Variants in SYNPO2 observed in about 807,000 individuals in gnomAD.
The protein encoded by SYNPO2 is synaptopodin 2, also known as synaptopodin-2.
In SYNPO2, 56 loss-of-function variants were observed where a neutral mutation model predicts 85.0. The ratio of observed to expected loss-of-function variants is 0.66; its 90% CI spans 0.53 to 0.82. The LOEUF (loss-of-function observed/expected upper bound fraction) is 0.82, where lower values mean the gene tolerates loss of function less well. Ranked by LOEUF, SYNPO2 falls within the 40% of genes least tolerant of loss-of-function variation. The pLI is 0.00. For synonymous variants in SYNPO2, 602 were observed against 591.1 expected, an observed-to-expected ratio of 1.02 and a Z score of -0.27; for missense variants, 1,575 against 1,534.2, an observed-to-expected ratio of 1.03 and a Z score of -0.44.
chr4:118,912,869 C>T (rs1733188201), intron 1 of SYNPO2, among the ~76,000 whole-genome samples: 1 of 152,146 alleles, frequency 6.6e-6, no homozygotes, highest in Non-Finnish European at 1.5e-5. Flanking sequence ...AAACGTTTAG[C>T]TAAACACATG....
In SYNPO2 at chr4:119,023,444, C is replaced by A; in HGVS notation, c.120C>A (p.Ser40Arg). 1 of 1,611,112 alleles carries A rather than the reference C, an allele frequency of 6.2e-7. No homozygotes were observed. The highest frequency in any genetic ancestry group is 8.5e-7 in the Non-Finnish European group (1 of 1,178,924). ...ACTCCACTCAGATTCGAAATCAGAG[C>A]AAAGCCTCTGGGTCTGGGCTCTGTG... ...PLQVAKIRNQ[S>R]KASGSGLCEG... Residue 40 changes from serine to arginine, a missense_variant, in exon 2 of 5, where the codon AGC (serine) becomes AGA (arginine). Transcript: ENST00000307142.
At chr4:118,918,871 CA>C (rs1323067517) in intron 1 of SYNPO2, among the ~76,000 whole-genome samples, 2 of 152,088 alleles carry the variant, frequency 1.3e-5, no homozygotes, top group Non-Finnish European at 2.9e-5. Context: ...GAAGGTAATG[CA>C]ATGACTATTT....
rs778341529 is a variant in SYNPO2 at position 119,026,643 on chromosome 4, A to G, written c.274A>G (p.Ser92Gly). The G allele has an allele frequency of 1.9e-6, 3 of 1,606,538 alleles. No individual in the cohort carries two copies. Among genetic ancestry groups the G allele is most frequent in the Admixed American group, 3.4e-5 (2 of 59,272 alleles). ...TGTGTGCAGACCATCCAGTGGAATAAGTGAGGCTTTGATATCTGAAAATGA... is the reference window on the plus strand; with the variant it reads ...TGTGTGCAGACCATCCAGTGGAATAGGTGAGGCTTTGATATCTGAAAATGA... Reference protein sequence around the residue: ...MLIKRPSSGISEALISENENK... With the variant: ...MLIKRPSSGIGEALISENENK... The change falls in exon 3 of 5, where the codon AGT becomes GGT. Residue 92 changes from serine (S) to glycine (G), a missense_variant. Ser to Gly is a moderately conservative substitution (Grantham distance 56, BLOSUM62 0). Transcript: ENST00000307142.
intron 4 of SYNPO2, chr4:119,042,092 ACAGG>A (rs35962566): frequency 0.79 from 119,858 of 151,726 alleles, 47,409 homozygotes; most frequent in Admixed American, 0.82. Context: ...TCTAAAAGGA[ACAGG>A]CAGGCGCTGA....
At chr4:118,856,034 C>T (rs1322367537) in intron 1 of SYNPO2, among the ~76,000 whole-genome samples, 1 of 152,148 alleles carries the variant, frequency 6.6e-6, no homozygotes, top group Admixed American at 6.6e-5. Flanking sequence ...TTCTGGGATA[C>T]CATAACATAG....
intron 1 of SYNPO2, among the ~76,000 whole-genome samples, chr4:118,976,690 T>G (rs563841739): frequency 1.1e-4 from 16 of 152,276 alleles, no homozygotes; most frequent in African/African-American, 3.4e-4. Context: ...CCAGAGCAGC[T>G]AGATACAGAG....
chr4:119,041,193 T>C (rs371777738), intron 4 of SYNPO2, among the ~76,000 whole-genome samples: 1 of 152,230 alleles, frequency 6.6e-6, no homozygotes, highest in African/African-American at 2.4e-5. Context: ...GAAAATGTTA[T>C]CTGAATCCAG....
At chr4:119,027,683 G>A (rs1738031829) in intron 3 of SYNPO2, among the ~76,000 whole-genome samples, 1 of 152,114 alleles carries the variant, frequency 6.6e-6, no homozygotes, top group African/African-American at 2.4e-5. Flanking sequence ...ATCCCCAAAG[G>A]CACAGGAACT....
At chr4:118,954,332 T>C (rs1046866866) in intron 1 of SYNPO2, among the ~76,000 whole-genome samples, 4 of 152,230 alleles carry the variant, frequency 2.6e-5, no homozygotes, top group African/African-American at 7.2e-5. Context: ...CTTTCTTTTT[T>C]TTCCAGTAAC....
At chr4:118,859,011 A>G (rs1731560771) in intron 1 of SYNPO2, among the ~76,000 whole-genome samples, 1 of 152,198 alleles carries the variant, frequency 6.6e-6, no homozygotes, top group Non-Finnish European at 1.5e-5. Context: ...CTTTCAATGA[A>G]ATCTTAGAGG....
At chr4:119,056,859 T>A (rs1403687452) in intron 4 of SYNPO2, among the ~76,000 whole-genome samples, 1 of 152,252 alleles carries the variant, frequency 6.6e-6, no homozygotes, top group African/African-American at 2.4e-5. Flanking sequence ...TGGTTTGTTT[T>A]TGCTATATTC....
intron 1 of SYNPO2, among the ~76,000 whole-genome samples, chr4:118,904,341 C>T (rs1732860642): frequency 6.6e-6 from 1 of 152,088 alleles, no homozygotes; most frequent in South Asian, 2.1e-4. Context: ...ATTTTTGAGA[C>T]CCGGATGTCA....
intron 1 of SYNPO2, among the ~76,000 whole-genome samples, chr4:119,000,490 G>A (rs1280580669): frequency 6.6e-6 from 1 of 152,192 alleles, no homozygotes; most frequent in Non-Finnish European, 1.5e-5. Flanking sequence ...CACACAGAGA[G>A]AAACAGACAC....
In SYNPO2 at chr4:118,860,552, C is replaced by CTTTTTTT. The variant is rs34644748; in HGVS notation, c.12+9615_12+9621dup. 7.9e-5 allele frequency among the ~76,000 whole-genome samples: 9 copies of CTTTTTTT among 114,120 alleles called. 3 individuals are homozygous for CTTTTTTT. Among genetic ancestry groups the CTTTTTTT allele is most frequent in the African/African-American group, 1.1e-4 (3 of 27,712 alleles). 74.9% of individuals were successfully genotyped at this position (114,120 alleles called of 152,430 possible). On this transcript the variant is annotated intron_variant, in intron 1 of 4. Coordinates refer to the SYNPO2 transcript ENST00000610556. ...AGCCACACTGCCTGGCCTCTTTTGC[C>CTTTTTTT]TTTTTTTTTGTTTTTTTTTTTTGAG...
chr4:118,951,640 G>T (rs1008495278), intron 1 of SYNPO2, among the ~76,000 whole-genome samples: 1 of 152,060 alleles, frequency 6.6e-6, no homozygotes, highest in African/African-American at 2.4e-5. Flanking sequence ...ATACAACATT[G>T]TATCAAAAAA....
chr4:119,007,223 T>C (rs1191615107), intron 1 of SYNPO2, among the ~76,000 whole-genome samples: 1 of 49,908 alleles, frequency 2.0e-5, no homozygotes, highest in Non-Finnish European at 3.6e-5. Flanking sequence ...AAGGTATATA[T>C]ATATATATAT....
chr4:118,913,742 A>G (rs147112676), intron 1 of SYNPO2, among the ~76,000 whole-genome samples: 250 of 152,310 alleles, frequency 1.6e-3, no homozygotes, highest in African/African-American at 5.7e-3. Flanking sequence ...CCTCACCATC[A>G]TGGAAAGGGT....
intron 4 of SYNPO2, among the ~76,000 whole-genome samples, chr4:119,057,077 G>A (rs1321879712): frequency 6.6e-6 from 1 of 152,098 alleles, no homozygotes; most frequent in East Asian, 1.9e-4. Flanking sequence ...TGATGACAGA[G>A]CCCCCGCCCT....
Position 118,859,515 on chromosome 4 carries a change from T to C in SYNPO2, c.12+8575T>C, listed in dbSNP as rs181918483. On this transcript the variant is annotated intron_variant, in intron 1 of 4. Coordinates refer to the SYNPO2 transcript ENST00000610556. ...CTAGCAAATACCAGGTCTTATTCAT[T>C]ATATCTAACTACTTTTTTGTACCCA... 8.7e-3 allele frequency among the ~76,000 whole-genome samples: 1,332 copies of C among 152,292 alleles called. 22 individuals are homozygous for C. The highest frequency in any genetic ancestry group is 0.03 in the African/African-American group (1,252 of 41,554).
Sources: gnomAD v4.1 joint callset for allele counts (sites outside exome capture counted in the v4.1 genomes callset) on GRCh38, gnomAD v4.1.1 for gene constraint, MANE v1.5 for transcripts, NCBI Gene and HGNC (gene_info 2026-07-23, HGNC 2026-07-21) for gene names.